The following NBAS variants were observed in gnomAD, a reference collection of about 807,000 sequenced individuals.
NBAS encodes NAG/BC035112 fusion.
NBAS carries 219 observed loss-of-function variants against 302.5 expected under a neutral mutation model. The observed-to-expected ratio is 0.72, with a 90% CI of 0.65 to 0.81. NBAS has a LOEUF of 0.81. NBAS is among the 30% of genes least tolerant of loss of function. The probability of loss-of-function intolerance (pLI) is 0.00; values close to 1 mark genes in which losing one functional copy is unlikely to be tolerated. For missense variants in NBAS, 2,932 were observed against 2,841.6 expected, an observed-to-expected ratio of 1.03 and a Z score of -0.72; for synonymous variants, 1,118 against 1,021.6, an observed-to-expected ratio of 1.09 and a Z score of -1.80.
At chr2:14,978,593 C>T in the NBAS span, among the ~76,000 whole-genome samples, 2 of 152,280 alleles carry the variant, frequency 1.3e-5, no homozygotes, top group Admixed American at 1.3e-4. Flanking sequence ...AGACAACTAA[C>T]ACTTGTTAAA....
chr2:15,091,116 T>C, the NBAS span, among the ~76,000 whole-genome samples: 5 of 152,200 alleles, frequency 3.3e-5, no homozygotes, highest in Non-Finnish European at 7.3e-5. Context: ...ATTTCCTCCA[T>C]TTTTTGTGGT....
chr2:14,918,333 A>G, the NBAS span, among the ~76,000 whole-genome samples: 2 of 147,398 alleles, frequency 1.4e-5, no homozygotes, highest in African/African-American at 5.0e-5. Flanking sequence ...AAAAAAAACA[A>G]TGTAATGGTG....
chr2:15,150,886 A>G, the NBAS span, among the ~76,000 whole-genome samples: 3 of 152,214 alleles, frequency 2.0e-5, no homozygotes, highest in Non-Finnish European at 4.4e-5. Flanking sequence ...TTAGGTTCTT[A>G]AAGTCTTACA....
rs905927722 is a variant in NBAS at position 15,437,550 on chromosome 2, A to C, written c.2340-9756T>G. Among the ~76,000 whole-genome samples, 3 of 152,320 alleles carry C rather than the reference A, an allele frequency of 2.0e-5. No homozygotes were observed. The East Asian group carries it at 5.8e-4, about 29-fold the overall frequency. ...TCTGATGTCAGTTCGACAGAATGTGACTAGGAAGACAATGGTGTAGCTATC... is the reference window on the plus strand; with the variant it reads ...TCTGATGTCAGTTCGACAGAATGTGCCTAGGAAGACAATGGTGTAGCTATC... On this transcript the variant is annotated intron_variant, in intron 21 of 51. Coordinates refer to ENST00000281513, the MANE Select transcript of NBAS (RefSeq NM_015909.4).
At chr2:14,807,491 G>A in the NBAS span, among the ~76,000 whole-genome samples, 434 of 151,068 alleles carry the variant, frequency 2.9e-3, 3 homozygotes, top group African/African-American at 9.6e-3. Context: ...GTGTGTAACC[G>A]GGTGAATATT....
intron 35 of NBAS, among the ~76,000 whole-genome samples, chr2:15,349,612 T>C (rs1673255003): frequency 6.6e-6 from 1 of 152,126 alleles, no homozygotes; most frequent in Admixed American, 6.6e-5. Flanking sequence ...TCCAATCTGG[T>C]AGACAGTAGC....
chr2:15,171,164 G>GA lies in NBAS; in HGVS notation c.6841-3842dup, dbSNP rs560760093. Among the ~76,000 whole-genome samples the GA allele has an allele frequency of 2.8e-4, 43 of 152,142 alleles. No homozygotes were observed. In the East Asian group the frequency reaches 7.7e-3, roughly 27 times the overall value. ...AAAAATAAAAAAGTGGAAATAGTTG[G>GA]AAAAAAACATGCCACCTTCTTGCTG... is the stretch of plus-strand genomic sequence containing the variant. On this transcript the variant is annotated intron_variant, in intron 51 of 51. Transcript: ENST00000281513.
At chr2:15,063,580 A>C in the NBAS span, among the ~76,000 whole-genome samples, 1 of 152,176 alleles carries the variant, frequency 6.6e-6, no homozygotes, top group African/African-American at 2.4e-5. Context: ...AGCATACCTC[A>C]GAATGGGAGT....
In NBAS at chr2:15,292,647, G is replaced by C; in HGVS notation, c.4917C>G (p.Leu1639=). Residue 1639 remains leucine, a synonymous_variant, in exon 41 of 52, where the codon CTC becomes CTG. Transcript: ENST00000281513. The stretch of plus-strand genomic sequence containing the variant: ...GGATCTGCGCCTGAGTGAAATCCAG[G>C]AGACGTTCATTGTAGCAGTGTAACT... ...TKQLHCYNER[L]LDFTQAQILQ... 3 of 1,614,182 alleles carry C rather than the reference G, an allele frequency of 1.9e-6. No homozygotes were observed. The highest frequency in any genetic ancestry group is 2.5e-6 in the Non-Finnish European group (3 of 1,180,046).
At chr2:15,325,770 C>T (rs891427141) in intron 38 of NBAS, among the ~76,000 whole-genome samples, 1 of 152,156 alleles carries the variant, frequency 6.6e-6, no homozygotes, top group African/African-American at 2.4e-5. Flanking sequence ...AGAACTTTTC[C>T]TCTGCATTCA....
intron 12 of NBAS, among the ~76,000 whole-genome samples, chr2:15,488,538 C>T (rs1002743371): frequency 6.6e-6 from 1 of 152,086 alleles, no homozygotes; most frequent in Non-Finnish European, 1.5e-5. Flanking sequence ...AGAATTGTAA[C>T]CCTTTTAGGA....
chr2:15,411,972 AG>A (rs1676709221), intron 25 of NBAS, among the ~76,000 whole-genome samples: 1 of 152,096 alleles, frequency 6.6e-6, no homozygotes, highest in African/African-American at 2.4e-5. Context: ...TCACTTTCCA[AG>A]GAGGAATCCA....
At chr2:14,805,001 T>C in the NBAS span, among the ~76,000 whole-genome samples, 191 of 152,342 alleles carry the variant, frequency 1.3e-3, no homozygotes, top group Non-Finnish European at 2.2e-3. Context: ...CACAAATCCC[T>C]TCATAGTTCA....
At chr2:15,145,401 A>ATGTGTGTG in the NBAS span, among the ~76,000 whole-genome samples, 37 of 148,232 alleles carry the variant, frequency 2.5e-4, no homozygotes, top group East Asian at 1.2e-3. Context: ...GTTTGTTTGT[A>ATGTGTGTG]TGTGTGTGTG....
intron 21 of NBAS, among the ~76,000 whole-genome samples, chr2:15,453,136 G>C (rs1679096333): frequency 6.6e-6 from 1 of 152,054 alleles, no homozygotes; most frequent in Non-Finnish European, 1.5e-5. Flanking sequence ...AGTTAAAATT[G>C]GGAATTGGAA....
chr2:14,829,951 T>C, the NBAS span, among the ~76,000 whole-genome samples: 2 of 152,164 alleles, frequency 1.3e-5, no homozygotes, highest in African/African-American at 2.4e-5. Flanking sequence ...TTTCTTTCAG[T>C]TGCAAGTAAC....
chr2:14,958,047 G>A, the NBAS span, among the ~76,000 whole-genome samples: 1 of 152,230 alleles, frequency 6.6e-6, no homozygotes, highest in Admixed American at 6.5e-5. Context: ...TGACAGATGT[G>A]TGCATATGGT....
chr2:15,522,544 A>T (rs147624443), intron 9 of NBAS, among the ~76,000 whole-genome samples: 44 of 152,336 alleles, frequency 2.9e-4, no homozygotes, highest in Non-Finnish European at 4.6e-4. Context: ...TCTGGGATAC[A>T]GACTTCAAAG....
At chr2:15,034,235 G>GAAAGAAAGAAAGAAGAAA in the NBAS span, among the ~76,000 whole-genome samples, 14 of 81,730 alleles carry the variant, frequency 1.7e-4, no homozygotes, top group African/African-American at 6.2e-4. Context: ...AAAGAAAGAA[G>GAAAGAAAGAAAGAAGAAA]GAAAGAAAGA....
Sources: gnomAD v4.1 joint callset for allele counts (sites outside exome capture counted in the v4.1 genomes callset) on GRCh38, gnomAD v4.1.1 for gene constraint, MANE v1.5 for transcripts, NCBI Gene and HGNC (gene_info 2026-07-23, HGNC 2026-07-21) for gene names.